The following TMEFF2 variants were observed in gnomAD, a reference collection of about 807,000 sequenced individuals.
TMEFF2 encodes the protein transmembrane protein with EGF like and two follistatin like domains 2.
In TMEFF2, 28 loss-of-function variants were observed where a neutral mutation model predicts 53.8. The ratio of observed to expected loss-of-function variants is 0.52; its 90% CI spans 0.39 to 0.71. The LOEUF (loss-of-function observed/expected upper bound fraction) is 0.71. TMEFF2 is among the 30% of genes least tolerant of loss of function. TMEFF2 has a pLI of 0.00. For missense variants in TMEFF2, 353 were observed against 455.2 expected (o/e 0.78, Z 2.04); for synonymous variants, 162 against 166.3 (o/e 0.97, Z 0.20).
At chr2:192,169,024 A>C (rs1258002967) in intron 4 of TMEFF2, among the ~76,000 whole-genome samples, 1 of 151,996 alleles carries the variant, frequency 6.6e-6, no homozygotes, top group African/African-American at 2.4e-5. Flanking sequence ...TGAATTAAGC[A>C]CACTTTTTGT....
chr2:192,192,073 T>C, intron 1 of TMEFF2, 84 bp from the exon 2 acceptor site: 1 of 925,094 alleles, frequency 1.1e-6, no homozygotes, highest in Non-Finnish European at 1.7e-6. Context: ...AGCTTTAAAA[T>C]ACTTGTCCTA....
rs550503602 is a variant in TMEFF2 at position 191,999,605 on chromosome 2, G to A, written c.537-397C>T. Among the ~76,000 whole-genome samples, 3 of 152,034 alleles carry A rather than the reference G, an allele frequency of 2.0e-5. No homozygotes were observed. In the East Asian group the frequency reaches 5.8e-4, roughly 29 times the overall value. On this transcript the variant is annotated intron_variant, in intron 5 of 9. Transcript: ENST00000272771. ...CTTCTTTTCTTGGGATATTTGAATG[G>A]TTAAAGCTTGTGGAAAACTGACTCA...
intron 5 of TMEFF2, among the ~76,000 whole-genome samples, chr2:192,044,900 C>A (rs985571328): frequency 2.0e-5 from 3 of 152,104 alleles, no homozygotes; most frequent in Non-Finnish European, 2.9e-5. Flanking sequence ...GTCTTACTCG[C>A]AAAGCCATGA....
At chr2:191,971,766 T>A (rs1351596199) in intron 7 of TMEFF2, among the ~76,000 whole-genome samples, 1 of 152,142 alleles carries the variant, frequency 6.6e-6, no homozygotes, top group Non-Finnish European at 1.5e-5. Flanking sequence ...AGACAGTTTC[T>A]CTCTGGAAGA....
At chr2:191,958,283 T>TAAC (rs1692166199) in intron 7 of TMEFF2, among the ~76,000 whole-genome samples, 4 of 152,186 alleles carry the variant, frequency 2.6e-5, no homozygotes, top group Admixed American at 2.6e-4. Context: ...TAACAAACTA[T>TAAC]TCGACACTTC....
intron 5 of TMEFF2, among the ~76,000 whole-genome samples, chr2:192,013,248 G>A (rs1198304368): frequency 6.6e-6 from 1 of 151,914 alleles, no homozygotes; most frequent in Non-Finnish European, 1.5e-5. Flanking sequence ...CACTCTTTCC[G>A]TGCTCCAACC....
chr2:191,953,903 T>C, intron 8 of TMEFF2, 66 bp from the exon 9 acceptor site: 1 of 1,184,792 alleles, frequency 8.4e-7, no homozygotes, highest in Non-Finnish European at 1.1e-6. Flanking sequence ...TTTTTTTTTT[T>C]TTTTGAGACG....
At position 192,015,099 on chromosome 2, in the gene TMEFF2, A is replaced by G. The variant is rs191419518; in HGVS notation, c.537-15891T>C. Among the ~76,000 whole-genome samples, 1,293 of 152,206 alleles carry G rather than the reference A, an allele frequency of 8.5e-3. 8 individuals carry two copies. Among genetic ancestry groups the G allele is most frequent in the Non-Finnish European group, 0.015 (1,028 of 67,980 alleles). ...ATGTTCTTCTGCCTTTCTGATACACATGTTCTGCCTGGGGAGACAGCATGC... is the reference window on the plus strand; with the variant it reads ...ATGTTCTTCTGCCTTTCTGATACACGTGTTCTGCCTGGGGAGACAGCATGC... On this transcript the variant is annotated intron_variant, in intron 5 of 9. Transcript: ENST00000272771.
intron 4 of TMEFF2, among the ~76,000 whole-genome samples, chr2:192,159,748 C>A (rs571004092): frequency 6.6e-6 from 1 of 152,260 alleles, no homozygotes; most frequent in South Asian, 2.1e-4. Flanking sequence ...CATTGCCCTG[C>A]TTCAGCAAAA....
intron 5 of TMEFF2, chr2:192,035,273 T>A (rs1687260415): frequency 6.6e-6 from 1 of 152,200 alleles, no homozygotes; most frequent in Non-Finnish European, 1.5e-5. Context: ...AGAGGAAAGT[T>A]TGCAGAGTTT....
intron 4 of TMEFF2, among the ~76,000 whole-genome samples, chr2:192,103,248 A>T (rs576291791): frequency 6.6e-6 from 1 of 152,146 alleles, no homozygotes; most frequent in South Asian, 2.1e-4. Context: ...ACTATCCCAA[A>T]GTGGGTACAA....
In TMEFF2 at chr2:191,956,249, T is replaced by A. The variant is rs1457456430; in HGVS notation, c.869+6A>T. The A allele has an allele frequency of 6.2e-7, 1 of 1,603,700 alleles. No individual in the cohort carries two copies. Among genetic ancestry groups the A allele is most frequent in the Admixed American group, 1.7e-5 (1 of 57,328 alleles). On this transcript the variant is annotated splice_donor_region_variant and intron_variant, in intron 8 of 9. Transcript: ENST00000272771. ...CATTAACTATTCTTGCGAGTAAAAA[T>A]GTTACCTGCAAGATGGCTCCTGCAT...
intron 7 of TMEFF2, among the ~76,000 whole-genome samples, chr2:191,964,364 CTT>C (rs779066271): frequency 0.032 from 2,994 of 92,630 alleles, 57 homozygotes; most frequent in African/African-American, 0.055. Context: ...TTCTTTCTTT[CTT>C]TCTTTCTCTT....
chr2:192,126,801 TTCAC>T (rs1355779183), intron 4 of TMEFF2, among the ~76,000 whole-genome samples: 2 of 152,068 alleles, frequency 1.3e-5, no homozygotes, highest in African/African-American at 4.8e-5. Context: ...CCTGTCCTTC[TTCAC>T]TACGTGGAGT....
At chr2:191,969,115 ATGTTTG>A (rs1692551053) in intron 7 of TMEFF2, among the ~76,000 whole-genome samples, 1 of 141,792 alleles carries the variant, frequency 7.1e-6, no homozygotes, top group Non-Finnish European at 1.5e-5. Context: ...ATATGTATGT[ATGTTTG>A]TGTATGTGTG....
At chr2:192,177,956 T>C (rs989444576) in intron 4 of TMEFF2, 1 of 150,946 alleles carries the variant, frequency 6.6e-6, no homozygotes, top group Non-Finnish European at 1.5e-5. Context: ...ATCTTATTGT[T>C]AGAAAAATAA....
At chr2:192,096,790 C>T (rs1688920930) in intron 4 of TMEFF2, among the ~76,000 whole-genome samples, 1 of 150,748 alleles carries the variant, frequency 6.6e-6, no homozygotes, top group Non-Finnish European at 1.5e-5. Context: ...GATTCTCCTG[C>T]CCAAGCTTCT....
At chr2:191,952,277 A>G (rs1691909321) in intron 9 of TMEFF2, among the ~76,000 whole-genome samples, 1 of 152,214 alleles carries the variant, frequency 6.6e-6, no homozygotes, top group Non-Finnish European at 1.5e-5. Flanking sequence ...TTTATTATGT[A>G]TGGGAATGCA....
At chr2:192,060,485 C>T (rs781721491) in intron 4 of TMEFF2, among the ~76,000 whole-genome samples, 3 of 152,184 alleles carry the variant, frequency 2.0e-5, no homozygotes, top group Non-Finnish European at 2.9e-5. Context: ...ACAGACTATA[C>T]TAGTCTAGTA....
Sources: gnomAD v4.1 joint callset for allele counts (sites outside exome capture counted in the v4.1 genomes callset) on GRCh38, gnomAD v4.1.1 for gene constraint, MANE v1.5 for transcripts, NCBI Gene and HGNC (gene_info 2026-07-23, HGNC 2026-07-21) for gene names.